DNAH6: variants seen among roughly 807,000 people sequenced by gnomAD.
The protein encoded by DNAH6 is axonemal beta dynein heavy chain 6.
A neutral mutation model predicts 491.4 loss-of-function variants in DNAH6; 340 were observed. The ratio of observed to expected loss-of-function variants is 0.69; its 90% CI spans 0.63 to 0.76. DNAH6 has a LOEUF of 0.76. Among genes scored for constraint, DNAH6 ranks in the 30% least tolerant of loss-of-function variants. The probability of loss-of-function intolerance (pLI) is 0.00; values close to 1 mark genes in which losing one functional copy is unlikely to be tolerated. For missense variants in DNAH6, 4,443 were observed against 4,972.2 expected, an observed-to-expected ratio of 0.89 and a Z score of 3.20; for synonymous variants, 1,603 against 1,686.1, an observed-to-expected ratio of 0.95 and a Z score of 1.21.
chr2:84,598,136 T>TTTCTTTCTTTCTTTCC, intron 18 of DNAH6, among the ~76,000 whole-genome samples: 1 of 53,670 alleles, frequency 1.9e-5, no homozygotes, highest in East Asian at 7.0e-4. Flanking sequence ...CTTTTCTTTC[T>TTTCTTTCTTTCTTTCC]TTCTTTCTTT....
At chr2:84,464,166 T>C in the DNAH6 span, among the ~76,000 whole-genome samples, 1 of 152,228 alleles carries the variant, frequency 6.6e-6, no homozygotes, top group Non-Finnish European at 1.5e-5. Flanking sequence ...AAGCTACTGC[T>C]GCATCATCAT....
Position 84,588,917 on chromosome 2 carries a change from G to T in DNAH6, c.2573G>T (p.Arg858Leu). 2.6e-6 allele frequency: 4 copies of T among 1,549,870 alleles called. No homozygotes were observed. Among genetic ancestry groups the T allele is most frequent in the South Asian group, 2.4e-5 (2 of 83,628 alleles). Reference sequence around the variant, plus strand: ...TCTGTTCTGGCTGATCTTCAGAAACGTGCATTTCAGTATAAGTCCTATCAG... The same window carrying T: ...TCTGTTCTGGCTGATCTTCAGAAACTTGCATTTCAGTATAAGTCCTATCAG... Reference protein sequence around the residue: ...LQSVLADLQKRAFQYKSYQKN... With the variant: ...LQSVLADLQKLAFQYKSYQKN... The change falls in exon 16 of 77, where the codon CGT (arginine) becomes CTT (leucine). Residue 858 changes from arginine (R) to leucine (L), a missense_variant. Arg to Leu is a moderately radical substitution (Grantham distance 102). Coordinates refer to ENST00000389394, the MANE Select transcript of DNAH6 (RefSeq NM_001370.2).
intron 7 of DNAH6, 95 bp from the exon 8 acceptor site, chr2:84,548,192 GT>G: frequency 1.5e-6 from 2 of 1,344,100 alleles, no homozygotes; most frequent in Non-Finnish European, 2.0e-6. Context: ...ATATTTTGTT[GT>G]TTTTGAATTT....
In DNAH6 at chr2:84,595,642, A is replaced by G. The variant is rs1002536641; in HGVS notation, c.2725-4A>G. 43 of 1,517,214 alleles carry G rather than the reference A, an allele frequency of 2.8e-5. No homozygotes were observed. The Middle Eastern group carries it at 5.2e-4, about 18-fold the overall frequency. 94.0% of individuals were successfully genotyped at this position (1,517,214 alleles called of 1,614,324 possible). On this transcript the variant is annotated splice_region_variant and splice_polypyrimidine_tract_variant and intron_variant, in intron 17 of 76. Coordinates refer to ENST00000389394, the MANE Select transcript of DNAH6 (RefSeq NM_001370.2). ...GTTTTGCTTTGTTTTTAAATTTTTC[A>G]TAGTCCAAATTTGATTGCCTGGATC...
intron 5 of DNAH6, among the ~76,000 whole-genome samples, chr2:84,546,263 T>A (rs1410354744): frequency 4.6e-5 from 7 of 152,170 alleles, no homozygotes; most frequent in Non-Finnish European, 1.0e-4. Context: ...GTCCCTTATA[T>A]AAAATGGCAC....
At chr2:84,625,108 T>C (rs1202952359) in intron 29 of DNAH6, 45 bp downstream of exon 29, 2 of 1,423,484 alleles carry the variant, frequency 1.4e-6, no homozygotes, top group East Asian at 2.6e-5. Context: ...GTTTTATGTG[T>C]CTTTCTCTAT....
At chr2:84,787,406 T>C in intron 68 of DNAH6, 104 bp downstream of exon 68, 2 of 807,194 alleles carry the variant, frequency 2.5e-6, no homozygotes, top group Non-Finnish European at 3.8e-6. Flanking sequence ...CAGTGTTTAA[T>C]GGTGGTGATG....
intron 4 of DNAH6, among the ~76,000 whole-genome samples, chr2:84,538,817 AAG>A (rs1408131637): frequency 6.6e-6 from 1 of 152,066 alleles, no homozygotes; most frequent in Non-Finnish European, 1.5e-5. Flanking sequence ...AACTTGTTAA[AAG>A]TACTTTTTAG....
chr2:84,795,831 T>C (rs1254604464), intron 68 of DNAH6, among the ~76,000 whole-genome samples: 2 of 152,214 alleles, frequency 1.3e-5, no homozygotes, highest in South Asian at 2.1e-4. Context: ...TTGCTTTGAA[T>C]CTATCTTTCC....
intron 21 of DNAH6, among the ~76,000 whole-genome samples, chr2:84,608,815 G>A (rs985207716): frequency 2.0e-5 from 3 of 152,130 alleles, no homozygotes; most frequent in Non-Finnish European, 4.4e-5. Flanking sequence ...TTGAAGCCAG[G>A]CATTGGCTAA....
At chr2:84,769,131 G>A (rs1573753280) in intron 64 of DNAH6, among the ~76,000 whole-genome samples, 1 of 152,240 alleles carries the variant, frequency 6.6e-6, no homozygotes, top group Admixed American at 6.5e-5. Context: ...CCCAGAAAGA[G>A]AGAGTGGAGC....
At chr2:84,548,604 CT>C (rs1335062463) in intron 8 of DNAH6, among the ~76,000 whole-genome samples, 187 bp downstream of exon 8, 2 of 152,090 alleles carry the variant, frequency 1.3e-5, no homozygotes, top group African/African-American at 4.8e-5. Flanking sequence ...AAAGTAGAAT[CT>C]TTTCTAGGAC....
chr2:84,507,866 C>G, the DNAH6 span, among the ~76,000 whole-genome samples: 1 of 152,206 alleles, frequency 6.6e-6, no homozygotes, highest in Non-Finnish European at 1.5e-5. Flanking sequence ...TGCTGGATTA[C>G]ATTTATTGAT....
chr2:84,559,127 T>G (rs1348685169), intron 11 of DNAH6, among the ~76,000 whole-genome samples: 1 of 152,116 alleles, frequency 6.6e-6, no homozygotes, highest in Admixed American at 6.5e-5. Context: ...GGTGGAATTC[T>G]TATAAGCTAG....
chr2:84,753,135 C>T (rs1673630440), intron 63 of DNAH6, among the ~76,000 whole-genome samples: 1 of 152,146 alleles, frequency 6.6e-6, no homozygotes, highest in African/African-American at 2.4e-5. Context: ...ATTTGCATTT[C>T]CCTAATGATA....
rs1685837566 is a variant in DNAH6 at position 84,607,028 on chromosome 2, A to G, written c.3227A>G (p.Tyr1076Cys). The G allele has an allele frequency of 6.4e-7, 1 of 1,551,432 alleles. No homozygotes were observed. The highest frequency in any genetic ancestry group is 8.7e-7 in the Non-Finnish European group (1 of 1,146,802). ...GTTGCAACTCTTGCCTCATCACGTTACCTTGGTCCACTGAAAACTCGAGTG... is the reference window on the plus strand; with the variant it reads ...GTTGCAACTCTTGCCTCATCACGTTGCCTTGGTCCACTGAAAACTCGAGTG... ...INVATLASSRYLGPLKTRVDE... is the reference protein window; with the variant it reads ...INVATLASSRCLGPLKTRVDE... Residue 1076 changes from tyrosine to cysteine, a missense_variant, in exon 21 of 77, where the codon TAC (tyrosine) becomes TGC (cysteine). By Grantham distance (194) the Tyr-to-Cys change is radical (BLOSUM62 -2). Coordinates refer to ENST00000389394, the MANE Select transcript of DNAH6 (RefSeq NM_001370.2).
At chr2:84,764,541 T>C (rs1674893583) in intron 64 of DNAH6, among the ~76,000 whole-genome samples, 1 of 152,176 alleles carries the variant, frequency 6.6e-6, no homozygotes, top group South Asian at 2.1e-4. Flanking sequence ...TTTGGCAGTA[T>C]ATATTAAAGT....
intron 56 of DNAH6, among the ~76,000 whole-genome samples, chr2:84,711,024 T>C (rs1237237723): frequency 2.0e-5 from 3 of 152,176 alleles, no homozygotes; most frequent in Non-Finnish European, 4.4e-5. Flanking sequence ...GTTTCTGTTC[T>C]CAATAGCTTA....
chr2:84,795,609 C>T (rs1678268900), intron 68 of DNAH6, among the ~76,000 whole-genome samples: 1 of 152,126 alleles, frequency 6.6e-6, no homozygotes, highest in Non-Finnish European at 1.5e-5. Flanking sequence ...TGAAATCCTT[C>T]CAGGAACACT....
Sources: gnomAD v4.1 joint callset for allele counts (sites outside exome capture counted in the v4.1 genomes callset) on GRCh38, gnomAD v4.1.1 for gene constraint, MANE v1.5 for transcripts, NCBI Gene and HGNC (gene_info 2026-07-23, HGNC 2026-07-21) for gene names.